The following ROBO2 variants were observed in gnomAD, a reference collection of about 807,000 sequenced individuals.
The protein encoded by ROBO2 is roundabout homolog 2.
In ROBO2, 53 loss-of-function variants were observed where a neutral mutation model predicts 160.8. The ratio of observed to expected loss-of-function variants is 0.33; its 90% CI spans 0.26 to 0.41. The LOEUF (loss-of-function observed/expected upper bound fraction) is 0.41. ROBO2 is among the 10% of genes least tolerant of loss of function. ROBO2 has a pLI of 1.00. For missense variants in ROBO2, 1,577 were observed against 1,722.4 expected (o/e 0.92, Z 1.49); for synonymous variants, 664 against 611.7 (o/e 1.09, Z -1.26).
chr3:77,009,007 T>G (rs904424170), intron 2 of ROBO2, among the ~76,000 whole-genome samples: 1 of 152,182 alleles, frequency 6.6e-6, no homozygotes, highest in Non-Finnish European at 1.5e-5. Context: ...ATACAGATAT[T>G]ATAATGAAAT....
At chr3:77,071,643 G>A (rs1456051113) in intron 1 of ROBO2, among the ~76,000 whole-genome samples, 3 of 152,138 alleles carry the variant, frequency 2.0e-5, no homozygotes, top group Admixed American at 2.0e-4. Context: ...CATTTGAGGG[G>A]AAGGCTGGAG....
chr3:77,015,916 T>C (rs1005654637), intron 2 of ROBO2, among the ~76,000 whole-genome samples: 1 of 152,196 alleles, frequency 6.6e-6, no homozygotes, highest in African/African-American at 2.4e-5. Context: ...ATGGTATTAA[T>C]GCCATAATCT....
At chr3:77,533,585 G>T (rs549772251) in intron 6 of ROBO2, among the ~76,000 whole-genome samples, 7 of 152,270 alleles carry the variant, frequency 4.6e-5, no homozygotes, top group African/African-American at 1.4e-4. Context: ...GACTCACTGT[G>T]TTAAGTGGCT....
intron 2 of ROBO2, among the ~76,000 whole-genome samples, chr3:76,897,599 T>C (rs1023333851): frequency 6.6e-6 from 1 of 152,144 alleles, no homozygotes; most frequent in Admixed American, 6.6e-5. Flanking sequence ...CAGTTAAAAC[T>C]AGAGGGTCCT....
intron 2 of ROBO2, among the ~76,000 whole-genome samples, chr3:77,284,532 G>A (rs1209888900): frequency 1.3e-5 from 2 of 152,122 alleles, no homozygotes; most frequent in Non-Finnish European, 2.9e-5. Flanking sequence ...ATAATGCTAG[G>A]TCATGGAGAC....
chr3:76,423,837 A>G (rs140330318), intron 2 of ROBO2, among the ~76,000 whole-genome samples: 167 of 152,222 alleles, frequency 1.1e-3, no homozygotes, highest in African/African-American at 3.5e-3. Context: ...GATAAAAACG[A>G]TCATTGTGAG....
chr3:77,604,686 A>G (rs1331197745), intron 20 of ROBO2, among the ~76,000 whole-genome samples: 4 of 152,150 alleles, frequency 2.6e-5, no homozygotes, highest in East Asian at 3.9e-4. Flanking sequence ...AGTTCAATTG[A>G]GTTTAATATT....
chr3:76,269,925 A>G (rs900878598), intron 2 of ROBO2, among the ~76,000 whole-genome samples: 10 of 152,044 alleles, frequency 6.6e-5, no homozygotes, highest in Non-Finnish European at 1.5e-4. Flanking sequence ...GATTAAAAGG[A>G]AAGAAATTTG....
At chr3:77,615,412 CA>C (rs2094749950) in intron 21 of ROBO2, among the ~76,000 whole-genome samples, 1 of 152,146 alleles carries the variant, frequency 6.6e-6, no homozygotes, top group South Asian at 2.1e-4. Context: ...TGGATTTGGA[CA>C]AATGTAATAC....
In ROBO2 at chr3:76,268,176, G is replaced by C. The variant is rs538577470; in HGVS notation, c.109+330574G>C. On this transcript the variant is annotated intron_variant, in intron 2 of 26. Transcript: ENST00000487694. ...TCTCAGTTACTCAGGAGACGGAGGT[G>C]GGAGGATCACTTGATTCCAGGAATT... Among the ~76,000 whole-genome samples the C allele has an allele frequency of 2.0e-5, 3 of 152,216 alleles. No homozygotes were observed. The South Asian group carries it at 6.2e-4, about 32-fold the overall frequency.
At chr3:76,425,446 T>C (rs969615900) in intron 2 of ROBO2, among the ~76,000 whole-genome samples, 3 of 151,956 alleles carry the variant, frequency 2.0e-5, no homozygotes, top group African/African-American at 7.2e-5. Flanking sequence ...ACTTCTTCAA[T>C]GTCTGTCCTT....
intron 2 of ROBO2, among the ~76,000 whole-genome samples, chr3:76,775,852 A>G (rs2062217210): frequency 6.6e-6 from 1 of 150,812 alleles, no homozygotes; most frequent in Non-Finnish European, 1.5e-5. Flanking sequence ...ACTATAGCAT[A>G]TTAAGTGGGA....
chr3:76,526,469 A>G (rs1044804929), intron 2 of ROBO2, among the ~76,000 whole-genome samples: 1 of 152,040 alleles, frequency 6.6e-6, no homozygotes, highest in African/African-American at 2.4e-5. Context: ...TGTTGATTCT[A>G]TATGATTTTG....
chr3:76,208,530 C>T (rs1224642392), intron 2 of ROBO2, among the ~76,000 whole-genome samples: 1 of 152,108 alleles, frequency 6.6e-6, no homozygotes, highest in African/African-American at 2.4e-5. Flanking sequence ...ATCTTAGACA[C>T]GTGATTTCCC....
At chr3:77,045,846 A>G (rs755778450) in intron 1 of ROBO2, among the ~76,000 whole-genome samples, 2 of 152,262 alleles carry the variant, frequency 1.3e-5, no homozygotes, top group South Asian at 2.1e-4. Flanking sequence ...GACATTTTAT[A>G]TATAAATGCA....
chr3:76,862,640 T>A (rs2070915300), intron 2 of ROBO2, among the ~76,000 whole-genome samples: 1 of 152,068 alleles, frequency 6.6e-6, no homozygotes, highest in Non-Finnish European at 1.5e-5. Context: ...TCCTTTTCTC[T>A]AAGTATAGGA....
At chr3:76,087,989 A>G (rs2069085036) in intron 2 of ROBO2, among the ~76,000 whole-genome samples, 1 of 152,086 alleles carries the variant, frequency 6.6e-6, no homozygotes, top group East Asian at 1.9e-4. Context: ...AGTCTTTTAA[A>G]TCTAAAGACT....
chr3:77,556,127 G>A (rs147471634), intron 8 of ROBO2, among the ~76,000 whole-genome samples: 10 of 151,900 alleles, frequency 6.6e-5, no homozygotes, highest in African/African-American at 2.2e-4. Context: ...TGGTAACACA[G>A]ACTCACTTTC....
intron 2 of ROBO2, among the ~76,000 whole-genome samples, chr3:77,219,434 GTATA>G (rs369099644): frequency 0.038 from 4,331 of 115,210 alleles, 248 homozygotes; most frequent in African/African-American, 0.12. Flanking sequence ...GTATGTGTGT[GTATA>G]TATATATATA....
Sources: allele counts gnomAD v4.1 joint callset (sites outside exome capture counted in the v4.1 genomes callset), GRCh38; gene constraint gnomAD v4.1.1; transcripts MANE v1.5; gene names NCBI Gene and HGNC (gene_info 2026-07-23, HGNC 2026-07-21).